The following RANBP2 variants were observed in gnomAD, a reference collection of about 807,000 sequenced individuals.
RANBP2 encodes the protein RAN binding protein 2.
RANBP2 carries 57 observed loss-of-function variants against 303.6 expected under a neutral mutation model. That is an observed-to-expected ratio of 0.19 (90% confidence interval 0.15 to 0.23). The LOEUF is 0.23. Ranked by LOEUF, RANBP2 falls within the 10% of genes least tolerant of loss-of-function variation. The pLI is 1.00. For missense variants in RANBP2, 3,138 were observed against 3,780.8 expected (o/e 0.83, Z 4.46); for synonymous variants, 1,167 against 1,301.5 (o/e 0.90, Z 2.23).
Position 108,759,425 on chromosome 2 carries a change from G to C in RANBP2, c.2602+877G>C, listed in dbSNP as rs146856297. Among the ~76,000 whole-genome samples, 1,203 of 152,232 alleles carry C rather than the reference G, an allele frequency of 7.9e-3. 11 individuals carry two copies. Among genetic ancestry groups the C allele is most frequent in the Non-Finnish European group, 0.012 (836 of 68,010 alleles). The stretch of plus-strand genomic sequence containing the variant: ...GTATAATACATTGCTCCCAGGCAGC[G>C]AGAAATAACAAAATTGTTCCTTTTA... On this transcript the variant is annotated intron_variant, in intron 18 of 28. Coordinates refer to ENST00000283195, the MANE Select transcript of RANBP2 (RefSeq NM_006267.5).
the RANBP2 span, chr2:108,794,593 G>T: frequency 1.9e-6 from 3 of 1,613,960 alleles, no homozygotes; most frequent in African/African-American, 4.0e-5. Flanking sequence ...GTGTTGTAGT[G>T]ATGCAGGTGA....
chr2:109,326,790 A>G, the RANBP2 span, among the ~76,000 whole-genome samples: 2 of 152,224 alleles, frequency 1.3e-5, no homozygotes, highest in Non-Finnish European at 1.5e-5. Flanking sequence ...GTCCTTCCCA[A>G]TAAAGTAGGT....
chr2:109,426,523 T>G, the RANBP2 span, among the ~76,000 whole-genome samples: 2 of 152,224 alleles, frequency 1.3e-5, no homozygotes, highest in Non-Finnish European at 2.9e-5. Context: ...TGCAATCTTA[T>G]GAGAAAACTT....
the RANBP2 span, among the ~76,000 whole-genome samples, chr2:109,037,762 T>C: frequency 6.6e-6 from 1 of 152,144 alleles, no homozygotes; most frequent in African/African-American, 2.4e-5. Flanking sequence ...ATGTACAACA[T>C]TTGCACGCTA....
the RANBP2 span, among the ~76,000 whole-genome samples, chr2:109,424,650 C>T: frequency 6.6e-6 from 1 of 152,094 alleles, no homozygotes; most frequent in Non-Finnish European, 1.5e-5. Context: ...TGATTTTTGG[C>T]GTTACTGTTA....
chr2:109,596,175 G>GCATGCA, the RANBP2 span, among the ~76,000 whole-genome samples: 1 of 152,054 alleles, frequency 6.6e-6, no homozygotes, highest in East Asian at 1.9e-4. Flanking sequence ...GGGCCTACAG[G>GCATGCA]CATGCACCAC....
At chr2:109,677,200 C>A in the RANBP2 span, among the ~76,000 whole-genome samples, 1 of 152,120 alleles carries the variant, frequency 6.6e-6, no homozygotes, top group Non-Finnish European at 1.5e-5. Flanking sequence ...GGAAGCTCCT[C>A]CCCTCACTTT....
chr2:109,128,007 G>C, the RANBP2 span: 1 of 152,172 alleles, frequency 6.6e-6, no homozygotes, highest in Non-Finnish European at 1.5e-5. Context: ...AAACCACAAG[G>C]ACAGGCTGGC....
the RANBP2 span, among the ~76,000 whole-genome samples, chr2:109,524,466 ACAAAAC>A: frequency 0.033 from 2,750 of 82,862 alleles, 126 homozygotes; most frequent in African/African-American, 0.12. Flanking sequence ...AAAAAAAAAA[ACAAAAC>A]AACACTGGGC....
chr2:109,254,955 A>G, the RANBP2 span, among the ~76,000 whole-genome samples: 9 of 152,172 alleles, frequency 5.9e-5, no homozygotes, highest in African/African-American at 2.2e-4. Context: ...AAGGATATTG[A>G]ACACCTATGT....
the RANBP2 span, among the ~76,000 whole-genome samples, chr2:108,877,142 C>T: frequency 1.3e-5 from 2 of 152,138 alleles, no homozygotes; most frequent in African/African-American, 4.8e-5. Context: ...AAAGAACAGG[C>T]CAAGGTGAGA....
chr2:109,245,619 T>A, the RANBP2 span, among the ~76,000 whole-genome samples: 1 of 152,254 alleles, frequency 6.6e-6, no homozygotes, highest in African/African-American at 2.4e-5. Flanking sequence ...AGTCTATATA[T>A]AAAATAACTT....
the RANBP2 span, among the ~76,000 whole-genome samples, chr2:109,549,424 AG>A: frequency 3.5e-4 from 54 of 152,238 alleles, no homozygotes; most frequent in African/African-American, 1.3e-3. Flanking sequence ...ACAAGGGGGC[AG>A]GGAAGTGTGA....
At chr2:108,936,880 C>T in the RANBP2 span, among the ~76,000 whole-genome samples, 12 of 152,336 alleles carry the variant, frequency 7.9e-5, no homozygotes, top group African/African-American at 2.9e-4. Flanking sequence ...CCCCATGCAG[C>T]ACTTAGTGTC....
chr2:108,856,772 A>G, the RANBP2 span: 1 of 1,601,356 alleles, frequency 6.2e-7, no homozygotes, highest in Non-Finnish European at 8.5e-7. Context: ...ACTGCAGTTG[A>G]TTGTACATAA....
the RANBP2 span, among the ~76,000 whole-genome samples, chr2:109,369,701 C>G: frequency 6.6e-6 from 1 of 152,182 alleles, no homozygotes; most frequent in Non-Finnish European, 1.5e-5. Flanking sequence ...CAGAGCCCAG[C>G]CTGCCCTCCT....
At chr2:108,995,356 G>T in the RANBP2 span, among the ~76,000 whole-genome samples, 3 of 152,146 alleles carry the variant, frequency 2.0e-5, no homozygotes, top group African/African-American at 7.2e-5. Flanking sequence ...ACAACATTTT[G>T]CAGGTAATCT....
At position 108,783,960 on chromosome 2, in the gene RANBP2, A is replaced by G; in HGVS notation, c.*59A>G. ...TAAGCAGTTGGATTGAAGCTTAGCT[A>G]TTACAATTTGATAGTTATGTTCAGC... On this transcript the variant is annotated 3_prime_UTR_variant, in exon 29 of 29. Transcript: ENST00000283195. 1 of 1,473,790 alleles carries G rather than the reference A, an allele frequency of 6.8e-7. No individual in the cohort carries two copies. 91.3% of individuals were successfully genotyped at this position (1,473,790 alleles called of 1,614,324 possible).
chr2:109,076,184 TA>T, the RANBP2 span, among the ~76,000 whole-genome samples: 23 of 148,690 alleles, frequency 1.5e-4, 1 homozygote, highest in South Asian at 2.6e-3. Flanking sequence ...AATGAAAGAT[TA>T]AAAAAAAATG....
Sources: gnomAD v4.1 joint callset for allele counts (sites outside exome capture counted in the v4.1 genomes callset) on GRCh38, gnomAD v4.1.1 for gene constraint, MANE v1.5 for transcripts, NCBI Gene and HGNC (gene_info 2026-07-23, HGNC 2026-07-21) for gene names.